Variants in DDX60L observed in about 807,000 individuals in gnomAD.
DDX60L encodes the protein probable ATP-dependent RNA helicase DDX60-like.
In DDX60L, 191 loss-of-function variants were observed where a neutral mutation model predicts 211.6. That is an observed-to-expected ratio of 0.90 (90% CI 0.80 to 1.02). The LOEUF (loss-of-function observed/expected upper bound fraction) is 1.02. Ranked by LOEUF, DDX60L falls within the 50% of genes least tolerant of loss-of-function variation. DDX60L has a pLI of 0.00. For synonymous variants in DDX60L, 706 were observed against 694.1 expected (o/e 1.02, Z -0.27); for missense variants, 2,007 against 1,984.1 (o/e 1.01, Z -0.22).
intron 27 of DDX60L, chr4:168,395,606 T>G (rs2149745194): frequency 5.9e-6 from 1 of 168,476 alleles, no homozygotes; most frequent in Admixed American, 6.4e-5. Context: ...TCTCTGAAAT[T>G]GAAACTTTCA....
At chr4:168,449,652 C>CAAAAAAAAAAAAAAAAAAAAAAAA in intron 8 of DDX60L, among the ~76,000 whole-genome samples, 16 of 7,920 alleles carry the variant, frequency 2.0e-3, no homozygotes, top group East Asian at 5.1e-3. Flanking sequence ...AAAAAAAATG[C>CAAAAAAAAAAAAAAAAAAAAAAAA]AAAAAAAAAA....
In DDX60L at chr4:168,357,856, C is replaced by T. The variant is rs1309939175; in HGVS notation, c.*291G>A. On this transcript the variant is annotated 3_prime_UTR_variant, in exon 38 of 38. Transcript: ENST00000682922. ...AACTACTAAAAAAACCACTACCGTT[C>T]ATTAAGTCACCACCCAATCCCAATC... is the stretch of plus-strand genomic sequence containing the variant. The T allele has an allele frequency of 4.3e-6, 1 of 230,738 alleles. No homozygotes were observed. 14.3% of individuals were successfully genotyped at this position (230,738 alleles called of 1,614,324 possible).
intron 9 of DDX60L, among the ~76,000 whole-genome samples, chr4:168,445,559 A>T (rs892682691): frequency 5.9e-5 from 9 of 152,146 alleles, no homozygotes; most frequent in Non-Finnish European, 1.2e-4. Context: ...TACCAAAGCC[A>T]GGCAGAGACA....
chr4:168,387,870 AGT>A (rs1241867067), intron 29 of DDX60L, among the ~76,000 whole-genome samples: 2 of 152,190 alleles, frequency 1.3e-5, no homozygotes, highest in African/African-American at 4.8e-5. Flanking sequence ...GCTGTGGGGT[AGT>A]GATTATCACA....
At chr4:168,425,685 C>T (rs372816356) in intron 14 of DDX60L, among the ~76,000 whole-genome samples, 8 of 152,082 alleles carry the variant, frequency 5.3e-5, no homozygotes, top group African/African-American at 1.9e-4. Flanking sequence ...TCACCTGAAG[C>T]TTGAATCTGG....
rs1217286553 is a variant in DDX60L, at chr4:168,415,781, T to A, written c.2745A>T (p.Lys915Asn). 1 of 1,565,318 alleles carries A rather than the reference T, an allele frequency of 6.4e-7. No homozygotes were observed. The highest frequency in any genetic ancestry group is 2.3e-5 in the East Asian group (1 of 42,684). Residue 915 changes from lysine (K) to asparagine (N), a missense_variant, in exon 21 of 38, where the codon AAA (lysine) becomes AAT (asparagine). Coordinates refer to ENST00000682922, the MANE Select transcript of DDX60L (RefSeq NM_001012967.3). ...TCTTGTCTGCCTGTTTCCAGTACTG[T>A]TTTACTGATTGCAGCCACCTTACAG... ...NLLTKWLQSV[K>N]QYWKQADKIM... is the part of the protein sequence containing the mutation.
At chr4:168,383,863 A>G (rs1264494890) in intron 30 of DDX60L, among the ~76,000 whole-genome samples, 1 of 152,212 alleles carries the variant, frequency 6.6e-6, no homozygotes, top group Non-Finnish European at 1.5e-5. Context: ...CATTCAAAGT[A>G]TTGATCCTAG....
At chr4:168,468,921 C>T (rs1297868055) in intron 4 of DDX60L, 2 of 152,114 alleles carry the variant, frequency 1.3e-5, no homozygotes, top group East Asian at 3.8e-4. Flanking sequence ...TGTGCAACGC[C>T]TCCACACTGA....
chr4:168,471,856 C>T lies in DDX60L; in HGVS notation c.155G>A (p.Gly52Asp). Residue 52 changes from glycine to aspartate, a missense_variant, in exon 4 of 38, where the codon GGT becomes GAT. Gly to Asp is a moderately conservative substitution (Grantham distance 94). Coordinates refer to ENST00000682922, the MANE Select transcript of DDX60L (RefSeq NM_001012967.3). The part of the protein sequence containing the change: ...DGDSLLVTCL[G>D]VKSFKWGQNL... ...CTGTCCCCACTTGAATGATTTTACACCCAGGCATGTGACAAGCAAGGAATC... is the reference window on the plus strand; with the variant it reads ...CTGTCCCCACTTGAATGATTTTACATCCAGGCATGTGACAAGCAAGGAATC... 3 of 1,613,548 alleles carry T rather than the reference C, an allele frequency of 1.9e-6. No homozygotes were observed. Among genetic ancestry groups the T allele is most frequent in the Non-Finnish European group, 2.5e-6 (3 of 1,179,808 alleles).
At chr4:168,438,513 C>G (rs1321445334) in intron 10 of DDX60L, among the ~76,000 whole-genome samples, 1 of 152,234 alleles carries the variant, frequency 6.6e-6, no homozygotes. Context: ...GAATAAACCT[C>G]TTTAAAATAT....
intron 1 of DDX60L, among the ~76,000 whole-genome samples, chr4:168,473,831 C>T (rs1241617730): frequency 6.6e-6 from 1 of 152,154 alleles, no homozygotes; most frequent in African/African-American, 2.4e-5. Flanking sequence ...TCTGGGAGAA[C>T]TCACTTCTTC....
intron 8 of DDX60L, among the ~76,000 whole-genome samples, chr4:168,451,555 C>CAT (rs1561102823): frequency 2.6e-5 from 4 of 152,208 alleles, no homozygotes; most frequent in Non-Finnish European, 5.9e-5. Context: ...TTGCCACCAA[C>CAT]ATCTTAGCCA....
At chr4:168,390,822 C>T (rs534817050) in intron 29 of DDX60L, among the ~76,000 whole-genome samples, 15 of 151,974 alleles carry the variant, frequency 9.9e-5, no homozygotes, top group African/African-American at 3.4e-4. Flanking sequence ...CACTCTCAAC[C>T]TTGTTTTTGT....
chr4:168,390,755 T>C (rs1348094591), intron 29 of DDX60L, among the ~76,000 whole-genome samples: 1 of 152,072 alleles, frequency 6.6e-6, no homozygotes, highest in Non-Finnish European at 1.5e-5. Context: ...TATAACATCT[T>C]TGTCTTTGTG....
intron 22 of DDX60L, among the ~76,000 whole-genome samples, chr4:168,410,281 T>C (rs910854729): frequency 4.6e-5 from 7 of 151,930 alleles, no homozygotes; most frequent in Admixed American, 1.3e-4. Context: ...GAAAAAAAAA[T>C]CTCACATTAG....
At chr4:168,429,364 G>A (rs1751982990) in intron 13 of DDX60L, among the ~76,000 whole-genome samples, 1 of 151,998 alleles carries the variant, frequency 6.6e-6, no homozygotes, top group South Asian at 2.1e-4. Context: ...CAGCCAGGCT[G>A]GTGTCGAACT....
intron 1 of DDX60L, chr4:168,475,882 C>T (rs1269814267): frequency 1.3e-5 from 2 of 151,750 alleles, no homozygotes; most frequent in African/African-American, 4.8e-5. Context: ...TACTCTCTCC[C>T]TTCTCCCTTC....
intron 17 of DDX60L, 79 bp from the exon 18 acceptor site, chr4:168,420,459 C>G: frequency 4.3e-6 from 1 of 229,990 alleles, no homozygotes. Flanking sequence ...CGAATCCATA[C>G]ACATACACAC....
At position 168,378,413 on chromosome 4, in the gene DDX60L, C is replaced by T. The variant is rs1359762078; in HGVS notation, c.4426G>A (p.Gly1476Arg). ...AATTTTGCTGGAATATATTTTCTTC[C>T]AAACAAATTTGCCAATACTAACACG... is the stretch of plus-strand genomic sequence containing the variant. ...KLVLVLANLF[G>R]RKYIPAKFQN... The change falls in exon 33 of 38, where the codon GGA (glycine) becomes AGA (arginine). Residue 1476 changes from glycine (G) to arginine (R), a missense_variant. Transcript: ENST00000682922. 1 of 1,556,166 alleles carries T rather than the reference C, an allele frequency of 6.4e-7. No homozygotes were observed. The highest frequency in any genetic ancestry group is 2.3e-5 in the East Asian group (1 of 43,204).
Sources: gnomAD v4.1 joint callset for allele counts (sites outside exome capture counted in the v4.1 genomes callset) on GRCh38, gnomAD v4.1.1 for gene constraint, MANE v1.5 for transcripts, NCBI Gene and HGNC (gene_info 2026-07-23, HGNC 2026-07-21) for gene names.